CSTF3: variants seen among roughly 807,000 people sequenced by gnomAD.
CSTF3 encodes the protein CF-1 77 kDa subunit.
Under a neutral mutation model 105.8 loss-of-function variants are expected in CSTF3, and 29 were observed. That is an observed-to-expected ratio of 0.27 (90% CI 0.20 to 0.37). CSTF3 has a LOEUF of 0.37. CSTF3 is among the 10% of genes least tolerant of loss of function. The pLI is 1.00. For synonymous variants in CSTF3, 252 were observed against 281.9 expected, an observed-to-expected ratio of 0.89 and a Z score of 1.06; for missense variants, 357 against 879.3, an observed-to-expected ratio of 0.41 and a Z score of 7.51.
chr11:33,085,196 T>C lies in CSTF3; in HGVS notation c.2045A>G (p.Lys682Arg), dbSNP rs1268410444. The C allele has an allele frequency of 9.3e-6, 15 of 1,614,000 alleles. No individual in the cohort carries two copies. Among genetic ancestry groups the C allele is most frequent in the Non-Finnish European group, 1.3e-5 (15 of 1,180,006 alleles). The change falls in exon 21 of 21, where the codon AAG (lysine) becomes AGG (arginine). Residue 682 changes from lysine (K) to arginine (R), a missense_variant. Lys to Arg is a conservative substitution (Grantham distance 26). Around this residue, in one of 4 missense-constraint regions of CSTF3, gnomAD observed 73 missense variants for 105.8 expected, o/e 0.69. Transcript: ENST00000323959. The stretch of plus-strand genomic sequence containing the variant: ...ATCCTCGTTGGGCCTTTTGACGGCC[T>C]TGGTGAGTACTGCATTACTTTCCAC... ...GPVESNAVLT[K>R]AVKRPNEDSD...
Position 33,103,203 on chromosome 11 carries a change from A to T in CSTF3, c.586-19T>A. ...TGATACCCTAGAAAAAAACAAAAAT[A>T]TTTTAAAATTAAGTATAGTTTCTTA... On this transcript the variant is annotated intron_variant, in intron 8 of 20. Coordinates refer to ENST00000323959, the MANE Select transcript of CSTF3 (RefSeq NM_001326.3). 1 of 1,237,422 alleles carries T rather than the reference A, an allele frequency of 8.1e-7. No individual in the cohort carries two copies. Among genetic ancestry groups the T allele is most frequent in the Non-Finnish European group, 1.1e-6 (1 of 881,084 alleles). The allele number at this position is 1,237,422 out of a possible 1,614,324, so 76.7% of individuals were successfully genotyped here.
At chr11:33,137,108 C>A (rs941975926) in intron 3 of CSTF3, among the ~76,000 whole-genome samples, 2 of 151,664 alleles carry the variant, frequency 1.3e-5, no homozygotes, top group African/African-American at 4.8e-5. Context: ...GAGTTTAAAA[C>A]GTAAGAGTCT....
intron 17 of CSTF3, among the ~76,000 whole-genome samples, chr11:33,088,714 G>T (rs1292047179): frequency 6.6e-6 from 1 of 151,816 alleles, no homozygotes; most frequent in East Asian, 1.9e-4. Flanking sequence ...TTCCCTCCTG[G>T]GCTCACCTTG....
rs555612741 is a variant in CSTF3, at chr11:33,086,874, T to C, written c.1795+114A>G. 560 of 1,177,570 alleles carry C rather than the reference T, an allele frequency of 4.8e-4. 2 individuals are homozygous for C. Among genetic ancestry groups the C allele is most frequent in the Non-Finnish European group, 6.6e-4 (526 of 792,848 alleles). The allele number at this position is 1,177,570 out of a possible 1,614,324, so 72.9% of individuals were successfully genotyped here. On this transcript the variant is annotated intron_variant, in intron 18 of 20. Coordinates refer to ENST00000323959, the MANE Select transcript of CSTF3 (RefSeq NM_001326.3). ...GCTAAATCACTTGTCATAGTGATCC[T>C]AAGTCTAATAATTAACCCACAATTG...
chr11:33,111,156 G>C (rs950198681), intron 3 of CSTF3, among the ~76,000 whole-genome samples: 4 of 152,140 alleles, frequency 2.6e-5, no homozygotes, highest in African/African-American at 9.7e-5. Context: ...CTTGAACCCG[G>C]GAGGCAGAGG....
rs180819376 is a variant in CSTF3, at chr11:33,120,509, C to T, written c.226-12091G>A. ...AGGTTTCAATCACTTGATATTACTT[C>T]ATTATGCTTGCCTTTTAAAATTCAA... On this transcript the variant is annotated intron_variant, in intron 3 of 20. Transcript: ENST00000323959. Among the ~76,000 whole-genome samples, 133 of 151,976 alleles carry T rather than the reference C, an allele frequency of 8.8e-4. 1 individual carries two copies. The highest frequency in any genetic ancestry group is 4.8e-3 in the South Asian group (23 of 4,830).
Position 33,092,334 on chromosome 11 carries a change from T to G in CSTF3, c.1382A>C (p.Asn461Thr), listed in dbSNP as rs987209279. 6.3e-7 allele frequency: 1 copy of G among 1,594,178 alleles called. No homozygotes were observed. The highest frequency in any genetic ancestry group is 1.4e-5 in the African/African-American group (1 of 73,668). ...TCGTTCAAACAAAACTCGGGTATTA[T>G]TGTCCTCTAGGATATTGAAAAAGAT... ...IDYLSHLNED[N>T]NTRVLFERVL... is the part of the protein sequence containing the mutation. Residue 461 changes from asparagine (N) to threonine (T), a missense_variant, in exon 16 of 21, where the codon AAT becomes ACT. Asn to Thr is a moderately conservative substitution (Grantham distance 65). Around this residue, in one of 4 missense-constraint regions of CSTF3, gnomAD observed 206 missense variants for 576.5 expected, o/e 0.36. Coordinates refer to ENST00000323959, the MANE Select transcript of CSTF3 (RefSeq NM_001326.3).
intron 3 of CSTF3, among the ~76,000 whole-genome samples, chr11:33,123,964 CTT>C (rs1399944931): frequency 2.6e-5 from 4 of 151,878 alleles, no homozygotes; most frequent in African/African-American, 9.7e-5. Context: ...TGACATATAA[CTT>C]TTGAGTTTTT....
intron 3 of CSTF3, among the ~76,000 whole-genome samples, chr11:33,117,871 A>C (rs1411042506): frequency 6.6e-6 from 1 of 151,926 alleles, no homozygotes; most frequent in African/African-American, 2.4e-5. Flanking sequence ...TAGTACATTT[A>C]AGAAGTGAAA....
intron 3 of CSTF3, among the ~76,000 whole-genome samples, chr11:33,131,718 G>A (rs1161513200): frequency 6.6e-6 from 1 of 152,028 alleles, no homozygotes; most frequent in East Asian, 1.9e-4. Flanking sequence ...CGGGAGTGGT[G>A]GCGGGCGCCT....
intron 1 of CSTF3, among the ~76,000 whole-genome samples, chr11:33,142,464 A>G (rs569595992): frequency 2.0e-5 from 3 of 152,328 alleles, no homozygotes; most frequent in African/African-American, 7.2e-5. Context: ...CCCCACAGAT[A>G]CTGAGGGACG....
chr11:33,103,003 T>C, intron 9 of CSTF3, 104 bp downstream of exon 9: 1 of 737,752 alleles, frequency 1.4e-6, no homozygotes, highest in South Asian at 1.9e-5. Context: ...GCTGTTAAGA[T>C]TGCTAATGAC....
intron 3 of CSTF3, among the ~76,000 whole-genome samples, chr11:33,131,597 C>G (rs563408746): frequency 1.3e-5 from 2 of 151,900 alleles, no homozygotes; most frequent in Non-Finnish European, 2.9e-5. Context: ...CTGTAATCCC[C>G]GCACTTTGGG....
At chr11:33,151,897 A>G (rs1849787120) in intron 1 of CSTF3, among the ~76,000 whole-genome samples, 1 of 152,198 alleles carries the variant, frequency 6.6e-6, no homozygotes, top group African/African-American at 2.4e-5. Flanking sequence ...TGTGGGTCTG[A>G]AGTGATATCT....
intron 3 of CSTF3, among the ~76,000 whole-genome samples, chr11:33,136,966 C>T (rs1172152040): frequency 2.0e-5 from 3 of 151,828 alleles, no homozygotes; most frequent in African/African-American, 7.2e-5. Flanking sequence ...TTCAAATTGT[C>T]TGATCCAATA....
rs16923881 is a variant in CSTF3, at chr11:33,132,657, G to A, written c.225+9010C>T. On this transcript the variant is annotated intron_variant, in intron 3 of 20. Transcript: ENST00000323959. The stretch of plus-strand genomic sequence containing the variant: ...AACCTTTTTGGCAAATATTCCCATG[G>A]ATAAGCAATCTGACATCTTTAATTG... Among the ~76,000 whole-genome samples, 1,404 of 152,226 alleles carry A rather than the reference G, an allele frequency of 9.2e-3. 28 individuals carry two copies. Among genetic ancestry groups the A allele is most frequent in the African/African-American group, 0.032 (1,329 of 41,508 alleles).
chr11:33,134,131 C>T (rs1855628366), intron 3 of CSTF3, among the ~76,000 whole-genome samples: 1 of 152,140 alleles, frequency 6.6e-6, no homozygotes. Context: ...AAAAGCAGTG[C>T]AAAATATATA....
At chr11:33,134,786 GATCT>G (rs1449380775) in intron 3 of CSTF3, among the ~76,000 whole-genome samples, 2 of 152,106 alleles carry the variant, frequency 1.3e-5, no homozygotes, top group African/African-American at 2.4e-5. Flanking sequence ...AAACACTACA[GATCT>G]TTCTAGTGAA....
chr11:33,091,271 A>G (rs1163628054), intron 16 of CSTF3, among the ~76,000 whole-genome samples: 1 of 152,226 alleles, frequency 6.6e-6, no homozygotes, highest in Non-Finnish European at 1.5e-5. Context: ...CTGGGGAAAA[A>G]CTGGTGCCTC....
Sources: gnomAD v4.1 joint callset for allele counts (sites outside exome capture counted in the v4.1 genomes callset) on GRCh38, gnomAD v4.1.1 for gene constraint, gnomAD v4.1.1 regional missense constraint, MANE v1.5 for transcripts, NCBI Gene and HGNC (gene_info 2026-07-23, HGNC 2026-07-21) for gene names.